VWA2: variants seen among roughly 807,000 people sequenced by gnomAD.
VWA2 encodes von Willebrand factor A domain-containing protein 2.
In VWA2, 73 loss-of-function variants were observed where a neutral mutation model predicts 70.4. That is an observed-to-expected ratio of 1.04 (90% confidence interval 0.86 to 1.26). The LOEUF (loss-of-function observed/expected upper bound fraction) is 1.26, where lower values mean the gene tolerates loss of function less well. Among genes scored for constraint, VWA2 ranks in the 50% most tolerant of loss-of-function variants. VWA2 has a pLI of 0.00. For missense variants in VWA2, 1,011 were observed against 998.5 expected, an observed-to-expected ratio of 1.01 and a Z score of -0.17; for synonymous variants, 407 against 423.3, an observed-to-expected ratio of 0.96 and a Z score of 0.47.
At chr10:114,283,306 T>C (rs1036816423) in intron 9 of VWA2, among the ~76,000 whole-genome samples, 2 of 139,610 alleles carry the variant, frequency 1.4e-5, no homozygotes, top group African/African-American at 2.8e-5. Flanking sequence ...AGCGAGCAGT[T>C]AGACACACAG....
chr10:114,278,987 G>T (rs905859093), intron 8 of VWA2, 136 bp downstream of exon 8: 8 of 1,369,502 alleles, frequency 5.8e-6, no homozygotes, highest in Non-Finnish European at 6.0e-6. Context: ...GGGAGCCAGG[G>T]ACGTAGCCAT....
intron 4 of VWA2, among the ~76,000 whole-genome samples, chr10:114,256,270 A>G (rs1005250345): frequency 5.3e-5 from 8 of 152,242 alleles, no homozygotes; most frequent in African/African-American, 1.9e-4. Context: ...TTGAAACGCT[A>G]GGCAGCTCCA....
chr10:114,286,416 G>A lies in VWA2; in HGVS notation c.1475G>A (p.Gly492Asp), dbSNP rs747245381. Residue 492 changes from glycine (G) to aspartate (D), a missense_variant, in exon 11 of 14, where the codon GGC becomes GAC. Coordinates refer to ENST00000392982, the MANE Select transcript of VWA2 (RefSeq NM_001272046.2). ...CGGGCAGAGCTGGAGGAGATCACAGGCAGCCCAAAGCATGTGATGGTCTAC... is the reference window on the plus strand; with the variant it reads ...CGGGCAGAGCTGGAGGAGATCACAGACAGCCCAAAGCATGTGATGGTCTAC... ...AVRAELEEIT[G>D]SPKHVMVYSD... 1 of 1,613,832 alleles carries A rather than the reference G, an allele frequency of 6.2e-7. No individual in the cohort carries two copies. The highest frequency in any genetic ancestry group is 2.2e-5 in the East Asian group (1 of 44,880).
chr10:114,256,916 A>T (rs1589746597), intron 4 of VWA2, among the ~76,000 whole-genome samples: 1 of 151,434 alleles, frequency 6.6e-6, no homozygotes, highest in African/African-American at 2.4e-5. Context: ...TCTCAAAAAA[A>T]AAAAAAAAAA....
At chr10:114,260,290 A>G (rs1173924043) in intron 4 of VWA2, among the ~76,000 whole-genome samples, 3 of 152,106 alleles carry the variant, frequency 2.0e-5, no homozygotes, top group African/African-American at 4.8e-5. Flanking sequence ...CAGTTTTGCA[A>G]GGTATTGGAT....
Position 114,246,607 on chromosome 10 carries a change from C to T in VWA2, c.-10-2097C>T, listed in dbSNP as rs1051663649. ...CATTTTAAGACTGTTGAAGCATAAT[C>T]CCAGCCAGAGGCCAATGCTCAGAGA... On this transcript the variant is annotated intron_variant, in intron 1 of 13. Coordinates refer to ENST00000392982, the MANE Select transcript of VWA2 (RefSeq NM_001272046.2). 1.8e-5 allele frequency: 26 copies of T among 1,422,224 alleles called. No individual in the cohort carries two copies. The South Asian group carries it at 2.0e-4, about 11-fold the overall frequency. 88.1% of individuals were successfully genotyped at this position (1,422,224 alleles called of 1,614,324 possible).
chr10:114,286,001 A>C lies in VWA2; in HGVS notation c.1060A>C (p.Thr354Pro). Reference protein sequence around the residue: ...LLFLLDSSAGTTLDGFLRAKV... With the variant: ...LLFLLDSSAGPTLDGFLRAKV... Reference sequence around the variant, plus strand: ...CTTCCTGCTGGACAGCTCTGCGGGCACCACTCTGGACGGCTTCCTGCGGGC... The same window carrying C: ...CTTCCTGCTGGACAGCTCTGCGGGCCCCACTCTGGACGGCTTCCTGCGGGC... The change falls in exon 11 of 14, where the codon ACC becomes CCC. Residue 354 changes from threonine to proline, a missense_variant. Thr to Pro is a conservative substitution (Grantham distance 38). Coordinates refer to ENST00000392982, the MANE Select transcript of VWA2 (RefSeq NM_001272046.2). 1 of 1,613,886 alleles carries C rather than the reference A, an allele frequency of 6.2e-7. No individual in the cohort carries two copies. Among genetic ancestry groups the C allele is most frequent in the Non-Finnish European group, 8.5e-7 (1 of 1,179,878 alleles).
Position 114,289,486 on chromosome 10 carries a change from G to A in VWA2, c.2119G>A (p.Gly707Arg). The A allele has an allele frequency of 1.2e-6, 2 of 1,614,124 alleles. No individual in the cohort carries two copies. The highest frequency in any genetic ancestry group is 1.7e-6 in the Non-Finnish European group (2 of 1,180,004). ...GGACGTGCTCATTGAGTGGCTGTGT[G>A]GAGGTGAGTGGGGGAATCCACACCC... ...HQDVLIEWLC[G>R]EAKQPVNLCK... The change falls in exon 12 of 14, where the codon GGA becomes AGA. Residue 707 changes from glycine to arginine, a missense_variant. Transcript: ENST00000392982.
In VWA2 at chr10:114,290,359, G is replaced by T; in HGVS notation, c.2242G>T (p.Glu748Ter). The T allele has an allele frequency of 6.4e-7, 1 of 1,550,518 alleles. No individual in the cohort carries two copies. The highest frequency in any genetic ancestry group is 1.2e-5 in the South Asian group (1 of 84,036). Residue 748 changes from glutamate to a stop codon, truncating the protein, a stop_gained, in exon 13 of 14, where the codon GAG becomes TAG. Transcript: ENST00000392982. LOFTEE classifies it high-confidence loss of function. ...GGATGGCTGGGAGGGCCCCCACTGCGAGAACCGTGAGTGGAGCTCTTGCTC... is the reference window on the plus strand; with the variant it reads ...GGATGGCTGGGAGGGCCCCCACTGCTAGAACCGTGAGTGGAGCTCTTGCTC... ...CRDGWEGPHCENRFLRRP is the reference protein window; with the variant it reads ...CRDGWEGPHC
At chr10:114,284,333 A>C (rs935654574) in intron 9 of VWA2, among the ~76,000 whole-genome samples, 2 of 152,172 alleles carry the variant, frequency 1.3e-5, no homozygotes, top group African/African-American at 4.8e-5. Flanking sequence ...CCCACAGAAC[A>C]AGTTCAGTTC....
chr10:114,277,481 CT>C (rs2037873982), intron 6 of VWA2, among the ~76,000 whole-genome samples: 1 of 152,144 alleles, frequency 6.6e-6, no homozygotes, highest in South Asian at 2.1e-4. Context: ...CACACCCCCC[CT>C]CCGACTGTGT....
At chr10:114,270,689 A>G (rs773675123) in intron 5 of VWA2, among the ~76,000 whole-genome samples, 5 of 152,212 alleles carry the variant, frequency 3.3e-5, no homozygotes, top group Non-Finnish European at 7.3e-5. Context: ...AGGAAACAGT[A>G]TTAGTAGAGA....
At chr10:114,263,908 G>C (rs571225527) in intron 5 of VWA2, among the ~76,000 whole-genome samples, 1 of 152,286 alleles carries the variant, frequency 6.6e-6, no homozygotes, top group South Asian at 2.1e-4. Context: ...TACACAAAAA[G>C]ATTGTCAACA....
intron 6 of VWA2, among the ~76,000 whole-genome samples, chr10:114,276,356 C>T (rs1219014961): frequency 6.6e-6 from 1 of 152,248 alleles, no homozygotes; most frequent in Non-Finnish European, 1.5e-5. Flanking sequence ...ACCACTGAAT[C>T]AGAAACTCAG....
intron 1 of VWA2, chr10:114,246,267 G>T (rs370318698): frequency 5.7e-6 from 4 of 707,386 alleles, no homozygotes; most frequent in South Asian, 1.4e-5. Context: ...TCGGGAGGCC[G>T]AGGCGGTCGT....
At chr10:114,242,697 G>A (rs997472372) in intron 1 of VWA2, among the ~76,000 whole-genome samples, 1 of 151,994 alleles carries the variant, frequency 6.6e-6, no homozygotes, top group Non-Finnish European at 1.5e-5. Flanking sequence ...GGTTTTTCTC[G>A]CTCTGTGGCC....
intron 5 of VWA2, among the ~76,000 whole-genome samples, chr10:114,271,924 A>G (rs1484322477): frequency 3.3e-5 from 5 of 152,228 alleles, no homozygotes; most frequent in Admixed American, 3.3e-4. Context: ...TTTGGCTGCA[A>G]CAGGGACTGA....
At chr10:114,254,469 C>T (rs2037276565) in intron 3 of VWA2, among the ~76,000 whole-genome samples, 1 of 152,148 alleles carries the variant, frequency 6.6e-6, no homozygotes, top group Non-Finnish European at 1.5e-5. Context: ...ATGTCCATCT[C>T]CCACCATATT....
chr10:114,244,826 A>G (rs2037036701), intron 1 of VWA2, among the ~76,000 whole-genome samples: 1 of 152,272 alleles, frequency 6.6e-6, no homozygotes, highest in Admixed American at 6.5e-5. Flanking sequence ...TGCAGTGAAC[A>G]CAGTGAGTGC....
Sources: allele counts gnomAD v4.1 joint callset (sites outside exome capture counted in the v4.1 genomes callset), GRCh38; gene constraint gnomAD v4.1.1; transcripts MANE v1.5; gene names NCBI Gene and HGNC (gene_info 2026-07-23, HGNC 2026-07-21).